Variants in OAT observed in about 807,000 individuals in gnomAD.
OAT encodes ornithine aminotransferase, mitochondrial.
In OAT, 35 loss-of-function variants were observed where a neutral mutation model predicts 48.4. The ratio of observed to expected loss-of-function variants is 0.72; its 90% CI spans 0.55 to 0.96. The LOEUF (loss-of-function observed/expected upper bound fraction) is 0.96. Ranked by LOEUF, OAT falls within the 40% of genes least tolerant of loss-of-function variation. The probability of loss-of-function intolerance (pLI) is 0.00; values close to 1 mark genes in which losing one functional copy is unlikely to be tolerated. For missense variants in OAT, 438 were observed against 537.9 expected (o/e 0.81, Z 1.84); for synonymous variants, 182 against 198.4 (o/e 0.92, Z 0.70).
chr10:124,412,586 G>A (rs879501919), intron 1 of OAT, among the ~76,000 whole-genome samples: 30 of 151,800 alleles, frequency 2.0e-4, no homozygotes, highest in Admixed American at 1.7e-3. Flanking sequence ...TGGGAGGATC[G>A]CTTGAGCCGA....
intron 8 of OAT, 65 bp from the exon 9 acceptor site, chr10:124,401,049 G>A (rs1242454779): frequency 1.9e-5 from 23 of 1,187,424 alleles, no homozygotes; most frequent in African/African-American, 3.0e-5. Context: ...GGAGGACAAC[G>A]GGGACTGTAA....
intron 7 of OAT, among the ~76,000 whole-genome samples, chr10:124,402,352 G>A (rs1267988742): frequency 6.6e-6 from 1 of 152,176 alleles, no homozygotes; most frequent in Non-Finnish European, 1.5e-5. Flanking sequence ...GCAACTAAAA[G>A]AGAAAAGCTA....
rs1171989360 is a variant in OAT, at chr10:124,412,055, G to C, written c.117C>G (p.Thr39=). 3 of 1,614,062 alleles carry C rather than the reference G, an allele frequency of 1.9e-6. No homozygotes were observed. Among genetic ancestry groups the C allele is most frequent in the African/African-American group, 1.3e-5 (1 of 74,938 alleles). The stretch of plus-strand genomic sequence containing the variant: ...ATTCCCTTTCAAAAATGTCATCAGA[G>C]GTTGGAGGGCCTTGGACTGTTTTTT... The part of the protein sequence containing the change: ...ATKKTVQGPP[T]SDDIFEREYK... The change falls in exon 2 of 10, where the codon ACC becomes ACG. Residue 39 remains threonine, a synonymous_variant. Transcript: ENST00000368845.
intron 7 of OAT, 51 bp from the exon 8 acceptor site, chr10:124,401,890 T>G (rs745854765): frequency 2.9e-6 from 4 of 1,357,274 alleles, no homozygotes; most frequent in Non-Finnish European, 3.1e-6. Flanking sequence ...AGCATTCTAC[T>G]AAGCATCCTT....
chr10:124,404,029 G>C (rs1009873404), intron 5 of OAT, 109 bp from the exon 6 acceptor site: 2 of 1,313,928 alleles, frequency 1.5e-6, no homozygotes, highest in Non-Finnish European at 2.2e-6. Context: ...TCAAGTTTTC[G>C]CACTAACGTA....
At position 124,400,895 on chromosome 10, in the gene OAT, T is replaced by G; in HGVS notation, c.1104A>C (p.Val368=). The part of the protein sequence containing the change: ...NELMKLPSDV[V]TAVRGKGLLN... ...ATAATCCTTTTCCTCTTACGGCAGTTACAACATCAGAAGGTAGCTTCATGA... is the reference window on the plus strand; with the variant it reads ...ATAATCCTTTTCCTCTTACGGCAGTGACAACATCAGAAGGTAGCTTCATGA... Residue 368 remains valine (V), a synonymous_variant, in exon 9 of 10, where the codon GTA becomes GTC. Coordinates refer to ENST00000368845, the MANE Select transcript of OAT (RefSeq NM_000274.4). 6.2e-7 allele frequency: 1 copy of G among 1,607,240 alleles called. No homozygotes were observed. Among genetic ancestry groups the G allele is most frequent in the Non-Finnish European group, 8.5e-7 (1 of 1,175,482 alleles).
intron 2 of OAT, 45 bp from the exon 3 acceptor site, chr10:124,409,010 C>T (rs371202944): frequency 1.6e-4 from 243 of 1,487,380 alleles, no homozygotes; most frequent in Middle Eastern, 3.4e-4. Flanking sequence ...AATTACTATA[C>T]GGCATAAAGT....
At position 124,403,073 on chromosome 10, in the gene OAT, T is replaced by A. The variant is rs1267550822; in HGVS notation, c.772-18A>T. 6.2e-7 allele frequency: 1 copy of A among 1,613,244 alleles called. No individual in the cohort carries two copies. The highest frequency in any genetic ancestry group is 8.5e-7 in the Non-Finnish European group (1 of 1,179,774). On this transcript the variant is annotated intron_variant, in intron 6 of 9. Coordinates refer to ENST00000368845, the MANE Select transcript of OAT (RefSeq NM_000274.4). ...AAGAGAACCTATTGGGGAAAAAAAA[T>A]ACCCCTATTAGTGATCACTTTCGTT...
rs772762366 is a variant in OAT at position 124,403,042 on chromosome 10, G to A, written c.785C>T (p.Ala262Val). Residue 262 changes from alanine to valine, a missense_variant, in exon 7 of 10, where the codon GCT (alanine) becomes GTT (valine). Physicochemically the swap from Ala to Val is moderately conservative, Grantham distance 64. Coordinates refer to ENST00000368845, the MANE Select transcript of OAT (RefSeq NM_000274.4). Reference protein sequence around the residue: ...LCTRHQVLFIADEIQTGLART... With the variant: ...LCTRHQVLFIVDEIQTGLART... ...GGCCAATCCTGTCTGTATTTCATCA[G>A]CAATAAAGAGAACCTATTGGGGAAA... 6.2e-7 allele frequency: 1 copy of A among 1,614,010 alleles called. No individual in the cohort carries two copies. The highest frequency in any genetic ancestry group is 8.5e-7 in the Non-Finnish European group (1 of 1,179,988).
At chr10:124,405,829 T>C (rs1487016876) in intron 4 of OAT, 4 of 1,251,548 alleles carry the variant, frequency 3.2e-6, no homozygotes, top group Admixed American at 7.0e-5. Context: ...ATATAGCCCC[T>C]GAAGATAGAT....
chr10:124,413,984 A>T (rs1241316054), intron 1 of OAT: 1 of 152,002 alleles, frequency 6.6e-6, no homozygotes, highest in Non-Finnish European at 1.5e-5. Context: ...AAAGAAACTA[A>T]TAATTAAAAG....
chr10:124,403,656 CG>C, intron 6 of OAT, 141 bp downstream of exon 6: 1 of 1,176,148 alleles, frequency 8.5e-7, no homozygotes, highest in Non-Finnish European at 1.2e-6. Context: ...AGAATGCCAT[CG>C]CCCTCTAGTG....
chr10:124,411,147 A>T (rs1951734614), intron 2 of OAT, among the ~76,000 whole-genome samples: 1 of 144,080 alleles, frequency 6.9e-6, no homozygotes, highest in East Asian at 2.0e-4. Flanking sequence ...CTCAAAAAAA[A>T]AAAAAAAAAA....
chr10:124,399,630 A>C (rs6597727), intron 9 of OAT, among the ~76,000 whole-genome samples: 151,908 of 152,226 alleles, frequency 1, 75,795 homozygotes, highest in Middle Eastern at 1. Flanking sequence ...CAGGCATAAG[A>C]CACCGCGCCC....
chr10:124,414,798 A>G (rs528811610), intron 1 of OAT, among the ~76,000 whole-genome samples: 2 of 152,240 alleles, frequency 1.3e-5, no homozygotes, highest in East Asian at 3.9e-4. Context: ...ACAACTTTCT[A>G]GGGCCAGGCA....
intron 2 of OAT, among the ~76,000 whole-genome samples, chr10:124,410,918 T>A (rs1454991670): frequency 6.6e-6 from 1 of 151,862 alleles, no homozygotes; most frequent in African/African-American, 2.4e-5. Context: ...GGTGGGTGGA[T>A]CACCTGAGGT....
Position 124,408,866 on chromosome 10 carries a change from G to C in OAT, c.299C>G (p.Ala100Gly). The C allele has an allele frequency of 6.2e-7, 1 of 1,613,390 alleles. No homozygotes were observed. The highest frequency in any genetic ancestry group is 1.1e-5 in the South Asian group (1 of 91,058). ...CAATTTGTCCACTTGACTCTTCAGA[G>C]CATTCACAATCTTGGGGTGACAATG... is the stretch of plus-strand genomic sequence containing the variant. The part of the protein sequence containing the change: ...QGHCHPKIVN[A>G]LKSQVDKLTL... Residue 100 changes from alanine to glycine, a missense_variant, in exon 3 of 10, where the codon GCT becomes GGT. Physicochemically the swap from Ala to Gly is moderately conservative, Grantham distance 60 (BLOSUM62 0). Coordinates refer to ENST00000368845, the MANE Select transcript of OAT (RefSeq NM_000274.4).
chr10:124,403,637 T>G (rs1220902693), intron 6 of OAT, among the ~76,000 whole-genome samples, 161 bp downstream of exon 6: 1 of 152,212 alleles, frequency 6.6e-6, no homozygotes, highest in East Asian at 1.9e-4. Context: ...AGGAAGTACT[T>G]AAGCTCTTAG....
chr10:124,401,926 G>A (rs1448787126), intron 7 of OAT, 87 bp from the exon 8 acceptor site: 4 of 973,352 alleles, frequency 4.1e-6, no homozygotes, highest in Non-Finnish European at 6.4e-6. Flanking sequence ...CTGTCACCCA[G>A]GCTTGAGTGC....
Sources: allele counts gnomAD v4.1 joint callset (sites outside exome capture counted in the v4.1 genomes callset), GRCh38; gene constraint gnomAD v4.1.1; transcripts MANE v1.5; gene names NCBI Gene and HGNC (gene_info 2026-07-23, HGNC 2026-07-21).